The following ZNF804B variants were observed in gnomAD, a reference collection of about 807,000 sequenced individuals.
ZNF804B encodes the protein zinc finger protein 804B.
A neutral mutation model predicts 101.4 loss-of-function variants in ZNF804B; 80 were observed. That is an observed-to-expected ratio of 0.79 (90% CI 0.66 to 0.95). The LOEUF is 0.95. Ranked by LOEUF, ZNF804B falls within the 40% of genes least tolerant of loss-of-function variation. ZNF804B has a pLI of 0.00. For missense variants in ZNF804B, 1,673 were observed against 1,561.9 expected (o/e 1.07, Z -1.20); for synonymous variants, 622 against 558.8 (o/e 1.11, Z -1.59).
At chr7:88,924,813 G>C (rs1429772235) in intron 1 of ZNF804B, among the ~76,000 whole-genome samples, 1 of 152,064 alleles carries the variant, frequency 6.6e-6, no homozygotes, top group African/African-American at 2.4e-5. Flanking sequence ...ATGACAACAG[G>C]AGTGTCTATT....
intron 2 of ZNF804B, among the ~76,000 whole-genome samples, chr7:89,241,000 T>C (rs933421585): frequency 6.6e-6 from 1 of 152,080 alleles, no homozygotes; most frequent in Non-Finnish European, 1.5e-5. Context: ...GGCACTGCCG[T>C]GTCTGTATTA....
chr7:89,195,609 A>C (rs1010332708), intron 1 of ZNF804B, among the ~76,000 whole-genome samples: 1 of 151,898 alleles, frequency 6.6e-6, no homozygotes, highest in Non-Finnish European at 1.5e-5. Flanking sequence ...AGAGAATAAA[A>C]TACCTAGGAA....
chr7:89,072,789 TA>T (rs763605746), intron 1 of ZNF804B, among the ~76,000 whole-genome samples: 17 of 152,168 alleles, frequency 1.1e-4, no homozygotes, highest in Admixed American at 4.6e-4. Context: ...ATTTAGGGAA[TA>T]AAAAAATGCA....
At chr7:89,244,815 G>C (rs1199517904) in intron 2 of ZNF804B, among the ~76,000 whole-genome samples, 3 of 152,142 alleles carry the variant, frequency 2.0e-5, no homozygotes, top group African/African-American at 7.2e-5. Flanking sequence ...ATCATCCATA[G>C]TGCTAAGGGA....
chr7:88,983,259 T>C (rs986695111), intron 1 of ZNF804B, among the ~76,000 whole-genome samples: 1 of 152,100 alleles, frequency 6.6e-6, no homozygotes, highest in African/African-American at 2.4e-5. Context: ...CCTCAAGTGA[T>C]ATGTGTGCCC....
intron 1 of ZNF804B, among the ~76,000 whole-genome samples, chr7:88,859,646 A>C (rs1791619616): frequency 6.6e-6 from 1 of 152,060 alleles, no homozygotes; most frequent in Non-Finnish European, 1.5e-5. Context: ...GATAATTTAT[A>C]AATAATCAGG....
intron 1 of ZNF804B, among the ~76,000 whole-genome samples, chr7:88,964,374 C>G (rs572029911): frequency 9.9e-5 from 15 of 151,464 alleles, no homozygotes; most frequent in Middle Eastern, 3.4e-3. Flanking sequence ...ATCTATAATA[C>G]AACATGGGTG....
At chr7:89,168,921 G>C (rs1324063933) in intron 1 of ZNF804B, among the ~76,000 whole-genome samples, 1 of 152,200 alleles carries the variant, frequency 6.6e-6, no homozygotes, top group South Asian at 2.1e-4. Context: ...GAAGCCTTTT[G>C]TTCTCTGACC....
intron 2 of ZNF804B, among the ~76,000 whole-genome samples, chr7:89,255,687 T>A (rs141894761): frequency 1.3e-5 from 2 of 152,194 alleles, no homozygotes; most frequent in African/African-American, 4.8e-5. Context: ...AAATAATTTT[T>A]TAATAAAATC....
rs75470396 is a variant in ZNF804B at position 89,196,389 on chromosome 7, A to G, written c.109-21766A>G. Among the ~76,000 whole-genome samples the G allele has an allele frequency of 3.0e-3, 452 of 152,264 alleles. 5 individuals carry two copies. The highest frequency in any genetic ancestry group is 0.01 in the African/African-American group (421 of 41,552). On this transcript the variant is annotated intron_variant, in intron 1 of 3. Transcript: ENST00000333190. ...GATAAGCAATAGGGAAAGGACTCCT[A>G]TTTAATAAATGGTGCTGGGAAAGCT...
chr7:89,307,478 A>G (rs1485767542), intron 2 of ZNF804B, among the ~76,000 whole-genome samples: 1 of 152,012 alleles, frequency 6.6e-6, no homozygotes, highest in Non-Finnish European at 1.5e-5. Context: ...AGAATGGCCA[A>G]TATTGGAACA....
intron 1 of ZNF804B, among the ~76,000 whole-genome samples, chr7:89,169,881 C>A (rs949983081): frequency 2.6e-5 from 4 of 152,076 alleles, no homozygotes; most frequent in African/African-American, 9.7e-5. Context: ...ATACCTGTCA[C>A]CTCATCCGAG....
intron 1 of ZNF804B, among the ~76,000 whole-genome samples, chr7:88,828,987 T>C (rs562494927): frequency 2.0e-5 from 3 of 152,278 alleles, no homozygotes; most frequent in Non-Finnish European, 4.4e-5. Flanking sequence ...TACTGAACTG[T>C]TATGTGGAAG....
chr7:89,169,640 T>C (rs1369058493), intron 1 of ZNF804B, among the ~76,000 whole-genome samples: 1 of 152,214 alleles, frequency 6.6e-6, no homozygotes, highest in Non-Finnish European at 1.5e-5. Flanking sequence ...TTCTCATACA[T>C]AATTCGATAA....
chr7:89,230,495 C>T (rs1789174552), intron 2 of ZNF804B, among the ~76,000 whole-genome samples: 1 of 152,074 alleles, frequency 6.6e-6, no homozygotes. Context: ...GGTGAGCTAA[C>T]ACGATCCAGT....
At position 89,121,616 on chromosome 7, in the gene ZNF804B, A is replaced by T. The variant is rs544027664; in HGVS notation, c.109-96539A>T. The stretch of plus-strand genomic sequence containing the variant: ...GACTAAACTAAGTATTAGTTATCAT[A>T]GTAATGGATTAAAATATTGACATTT... On this transcript the variant is annotated intron_variant, in intron 1 of 3. Coordinates refer to ENST00000333190, the MANE Select transcript of ZNF804B (RefSeq NM_181646.5). Among the ~76,000 whole-genome samples the T allele has an allele frequency of 2.0e-5, 3 of 152,340 alleles. No homozygotes were observed. In the South Asian group the frequency reaches 6.2e-4, roughly 32 times the overall value.
intron 1 of ZNF804B, among the ~76,000 whole-genome samples, chr7:89,203,410 C>A (rs1788673880): frequency 6.6e-6 from 1 of 152,164 alleles, no homozygotes; most frequent in South Asian, 2.1e-4. Context: ...AATAGACAAG[C>A]ATAAGTAGTT....
At chr7:89,141,098 G>A (rs1223380911) in intron 1 of ZNF804B, among the ~76,000 whole-genome samples, 1 of 151,988 alleles carries the variant, frequency 6.6e-6, no homozygotes, top group Non-Finnish European at 1.5e-5. Context: ...GCCTGTCAGT[G>A]GAGCAGAGAG....
In ZNF804B at chr7:88,776,560, G is replaced by GTTTTTTTT. The variant is rs57733765; in HGVS notation, c.108+16490_108+16497dup. Among the ~76,000 whole-genome samples the GTTTTTTTT allele has an allele frequency of 2.2e-3, 164 of 74,854 alleles. 1 individual carries two copies. The highest frequency in any genetic ancestry group is 0.01 in the Middle Eastern group (1 of 100). 49.1% of individuals were successfully genotyped at this position (74,854 alleles called of 152,430 possible). A position where few individuals can be genotyped will look rare whatever the true frequency, so the allele number is the denominator to read the frequency against. On this transcript the variant is annotated intron_variant, in intron 1 of 3. Transcript: ENST00000333190. ...GCTTTTCTATTTCTCGTGGTGTTTTGTTTTTTTTTTTTTTTTTTTTTCAGA... is the reference window on the plus strand; with the variant it reads ...GCTTTTCTATTTCTCGTGGTGTTTTGTTTTTTTTTTTTTTTTTTTTTTTTTTTTTCAGA...
Sources: allele counts gnomAD v4.1 joint callset (sites outside exome capture counted in the v4.1 genomes callset), GRCh38; gene constraint gnomAD v4.1.1; transcripts MANE v1.5; gene names NCBI Gene and HGNC (gene_info 2026-07-23, HGNC 2026-07-21).